KANSL1: variants seen among roughly 807,000 people sequenced by gnomAD.
The protein encoded by KANSL1 is KAT8 regulatory NSL complex subunit 1.
Under a neutral mutation model 103.6 loss-of-function variants are expected in KANSL1, and 22 were observed. That is an observed-to-expected ratio of 0.21 (90% CI 0.15 to 0.30). KANSL1 has a LOEUF of 0.30. Among genes scored for constraint, KANSL1 ranks in the 10% least tolerant of loss-of-function variants. KANSL1 has a pLI of 1.00. For synonymous variants in KANSL1, 600 were observed against 527.6 expected (o/e 1.14, Z -1.88); for missense variants, 1,337 against 1,399.8 (o/e 0.96, Z 0.72).
At chr17:46,055,975 C>A (rs1418824864) in intron 6 of KANSL1, among the ~76,000 whole-genome samples, 1 of 152,136 alleles carries the variant, frequency 6.6e-6, no homozygotes, top group Non-Finnish European at 1.5e-5. Context: ...AAAATTAATT[C>A]TAAATAAAGA....
chr17:46,155,185 T>TG (rs2045352932), intron 2 of KANSL1, among the ~76,000 whole-genome samples: 1 of 132,112 alleles, frequency 7.6e-6, no homozygotes, highest in Non-Finnish European at 1.5e-5. Context: ...TTTTTTGAGA[T>TG]GGAGTCTTGC....
upstream of KANSL1, among the ~76,000 whole-genome samples, chr17:46,197,213 G>A (rs2047641412): frequency 1.3e-5 from 2 of 152,256 alleles, no homozygotes; most frequent in African/African-American, 4.8e-5. Flanking sequence ...CTTTGTCTGT[G>A]TTCTCTCTAC....
At chr17:46,175,435 C>T (rs2046476963) in intron 1 of KANSL1, among the ~76,000 whole-genome samples, 1 of 151,698 alleles carries the variant, frequency 6.6e-6, no homozygotes. Flanking sequence ...CTGCAACCTC[C>T]GCCTCCTGTG....
At chr17:46,189,497 AAAGG>A (rs2047204406) in intron 1 of KANSL1, among the ~76,000 whole-genome samples, 1 of 152,206 alleles carries the variant, frequency 6.6e-6, no homozygotes, top group Admixed American at 6.5e-5. Flanking sequence ...AAAAAACATA[AAAGG>A]AATACGCATT....
chr17:46,040,701 T>C lies in KANSL1; in HGVS notation c.2021-817A>G, dbSNP rs1417386139. 4 of 152,220 alleles carry C rather than the reference T, an allele frequency of 2.6e-5. No homozygotes were observed. In the South Asian group the frequency reaches 6.2e-4, roughly 24 times the overall value. 9.4% of individuals were successfully genotyped at this position (152,220 alleles called of 1,614,324 possible). On this transcript the variant is annotated intron_variant, in intron 7 of 14. Transcript: ENST00000432791. ...GCTTCTGCAAAAAACAACAACAAAC[T>C]TGTGGTATTACACTGACTCTACAGA... is the stretch of plus-strand genomic sequence containing the variant.
chr17:46,085,294 G>A (rs532369770), intron 3 of KANSL1, among the ~76,000 whole-genome samples: 4 of 152,166 alleles, frequency 2.6e-5, no homozygotes, highest in South Asian at 2.1e-4. Context: ...ATTGCCGTTC[G>A]TCCTTCCAAA....
chr17:46,217,565 A>G lies in KANSL1; in HGVS notation c.-90+6106T>C, dbSNP rs529506045. ...TAATCCCAATATGACTTGTCCTTAT[A>G]AAAAAGGGGAAATTGTGGACACAAA... On this transcript the variant is annotated intron_variant, in intron 1 of 14. Coordinates refer to the KANSL1 transcript ENST00000572904. Among the ~76,000 whole-genome samples the G allele has an allele frequency of 3.3e-5, 5 of 152,238 alleles. No individual in the cohort carries two copies. The South Asian group carries it at 6.2e-4, about 19-fold the overall frequency.
chr17:46,208,568 C>G (rs2048049614), intron 1 of KANSL1, among the ~76,000 whole-genome samples: 1 of 150,126 alleles, frequency 6.7e-6, no homozygotes, highest in African/African-American at 2.5e-5. Flanking sequence ...TTGCAGTGAT[C>G]CAAGTGCCAC....
intron 4 of KANSL1, among the ~76,000 whole-genome samples, chr17:46,081,264 T>A (rs1157777071): frequency 6.6e-6 from 1 of 152,202 alleles, no homozygotes; most frequent in Non-Finnish European, 1.5e-5. Context: ...TACTCCCCTA[T>A]CACATATGCC....
At chr17:46,181,646 G>A (rs2046800017) in intron 1 of KANSL1, among the ~76,000 whole-genome samples, 1 of 152,186 alleles carries the variant, frequency 6.6e-6, no homozygotes, top group African/African-American at 2.4e-5. Context: ...TGGCCAGGCT[G>A]GTTTCGAACT....
intron 1 of KANSL1, among the ~76,000 whole-genome samples, chr17:46,191,185 G>A (rs543121312): frequency 4.6e-5 from 7 of 152,060 alleles, no homozygotes; most frequent in Admixed American, 3.9e-4. Flanking sequence ...AACAGATAAA[G>A]GAATAACATA....
chr17:46,063,271 A>G (rs1432210354), intron 6 of KANSL1, among the ~76,000 whole-genome samples: 4 of 152,250 alleles, frequency 2.6e-5, no homozygotes, highest in African/African-American at 9.6e-5. Flanking sequence ...GTCATTAGAA[A>G]GTAAGCTCCA....
At chr17:46,070,808 C>G (rs906261964) in intron 4 of KANSL1, among the ~76,000 whole-genome samples, 3 of 151,904 alleles carry the variant, frequency 2.0e-5, no homozygotes, top group Non-Finnish European at 2.9e-5. Flanking sequence ...TATGGTAGTG[C>G]CTTCACGTGT....
Position 46,067,687 on chromosome 17 carries a change from A to G in KANSL1, c.1534-20T>C. ...CTCAATCTGATTAAGAAAAAGGAAAAAAGAAATTAACATGTACCCAAGCGC... is the reference window on the plus strand; with the variant it reads ...CTCAATCTGATTAAGAAAAAGGAAAGAAGAAATTAACATGTACCCAAGCGC... On this transcript the variant is annotated intron_variant, in intron 4 of 14. Coordinates refer to ENST00000432791, the MANE Select transcript of KANSL1 (RefSeq NM_015443.4). 1 of 1,353,142 alleles carries G rather than the reference A, an allele frequency of 7.4e-7. No individual in the cohort carries two copies. The highest frequency in any genetic ancestry group is 1.2e-5 in the South Asian group (1 of 85,390). 83.8% of individuals were successfully genotyped at this position (1,353,142 alleles called of 1,614,324 possible).
At chr17:46,121,754 T>G (rs2043290085) in intron 2 of KANSL1, among the ~76,000 whole-genome samples, 1 of 152,156 alleles carries the variant, frequency 6.6e-6, no homozygotes, top group Non-Finnish European at 1.5e-5. Flanking sequence ...ATGAATAAAC[T>G]ATGGTGTACA....
intron 2 of KANSL1, among the ~76,000 whole-genome samples, chr17:46,100,862 G>A (rs953596079): frequency 3.9e-5 from 6 of 152,196 alleles, no homozygotes; most frequent in Non-Finnish European, 8.8e-5. Context: ...AGAAAAACCC[G>A]AATGGTGGTA....
chr17:46,217,871 A>G (rs2048390913), intron 1 of KANSL1, among the ~76,000 whole-genome samples: 1 of 152,202 alleles, frequency 6.6e-6, no homozygotes, highest in Admixed American at 6.5e-5. Flanking sequence ...CAAAAAATAC[A>G]AAAAATTACC....
rs1351253692 is a variant in KANSL1 at position 46,155,114 on chromosome 17, ATAGG to A, written c.1289+15737_1289+15740del. Among the ~76,000 whole-genome samples the A allele has an allele frequency of 6.6e-5, 10 of 151,666 alleles. No homozygotes were observed. In the South Asian group the frequency reaches 2.1e-3, roughly 32 times the overall value. ...TGGTAGCATCCTTTCCCCCTCAAAG[ATAGG>A]TACAGGAGGCCCTAATCCAATAGTT... On this transcript the variant is annotated intron_variant, in intron 2 of 14. Coordinates refer to ENST00000432791, the MANE Select transcript of KANSL1 (RefSeq NM_015443.4).
intron 1 of KANSL1, chr17:46,192,400 T>C (rs922726430): frequency 6.6e-6 from 1 of 151,984 alleles, no homozygotes. Context: ...AATGAAACAA[T>C]CAGAGTTGTG....
Sources: allele counts gnomAD v4.1 joint callset (sites outside exome capture counted in the v4.1 genomes callset), GRCh38; gene constraint gnomAD v4.1.1; transcripts MANE v1.5; gene names NCBI Gene and HGNC (gene_info 2026-07-23, HGNC 2026-07-21).